PICK1: variants seen among roughly 807,000 people sequenced by gnomAD.
PICK1 encodes PRKCA-binding protein.
PICK1 carries 23 observed loss-of-function variants against 48.9 expected under a neutral mutation model. That is an observed-to-expected ratio of 0.47 (90% CI 0.34 to 0.67). The LOEUF (loss-of-function observed/expected upper bound fraction) is 0.67, where lower values mean the gene tolerates loss of function less well. PICK1 is among the 30% of genes least tolerant of loss of function. PICK1 has a pLI of 0.01. For synonymous variants in PICK1, 217 were observed against 228.2 expected (o/e 0.95, Z 0.44); for missense variants, 423 against 557.1 (o/e 0.76, Z 2.42).
intron 3 of PICK1, among the ~76,000 whole-genome samples, chr22:38,061,709 C>CG (rs1425344664): frequency 2.0e-5 from 3 of 152,032 alleles, no homozygotes; most frequent in Non-Finnish European, 4.4e-5. Context: ...TTTGTAGAGA[C>CG]GGTGTTTTGC....
At chr22:38,062,319 C>G (rs1658216052) in intron 3 of PICK1, among the ~76,000 whole-genome samples, 2 of 149,492 alleles carry the variant, frequency 1.3e-5, no homozygotes, top group Non-Finnish European at 3.0e-5. Flanking sequence ...GTGATCTTGG[C>G]TCACTGCAAC....
chr22:38,072,149 T>C, intron 8 of PICK1: 1 of 508,616 alleles, frequency 2.0e-6, no homozygotes. Context: ...CTCGGACCAG[T>C]GTTCTGCCTC....
rs200693534 is a variant in PICK1 at position 38,057,829 on chromosome 22, A to G, written c.20A>G (p.Tyr7Cys). 1.3e-4 allele frequency: 211 copies of G among 1,613,908 alleles called. 1 individual carries two copies. The highest frequency in any genetic ancestry group is 1.1e-4 in the Non-Finnish European group (126 of 1,179,868). The change falls in exon 2 of 13, where the codon TAT (tyrosine) becomes TGT (cysteine). Residue 7 changes from tyrosine to cysteine, a missense_variant. By Grantham distance (194) the Tyr-to-Cys change is radical. Coordinates refer to ENST00000356976, the MANE Select transcript of PICK1 (RefSeq NM_012407.4). MFADLD[Y>C]DIEEDKLGIP... ...GGAACCATGTTTGCAGACTTGGATT[A>G]TGACATCGAAGAGGATAAACTGTGA...
At chr22:38,068,185 C>G (rs1569200359) in intron 5 of PICK1, 1 of 457,760 alleles carries the variant, frequency 2.2e-6, no homozygotes, top group Non-Finnish European at 4.4e-6. Context: ...CCTGGCCTCT[C>G]CTGCCATCAG....
At chr22:38,071,886 G>A (rs531039960) in intron 8 of PICK1, 142 bp downstream of exon 8, 17 of 750,794 alleles carry the variant, frequency 2.3e-5, no homozygotes, top group African/African-American at 1.0e-4. Context: ...TGGGATTTGC[G>A]ATGGGCCTGC....
At chr22:38,072,361 G>A in intron 8 of PICK1, 116 bp from the exon 9 acceptor site, 2 of 1,239,848 alleles carry the variant, frequency 1.6e-6, no homozygotes, top group Non-Finnish European at 2.3e-6. Flanking sequence ...TGTAGCCCCT[G>A]TGCAGACATT....
intron 3 of PICK1, among the ~76,000 whole-genome samples, chr22:38,062,817 G>A (rs550436464): frequency 2.0e-5 from 3 of 152,330 alleles, no homozygotes; most frequent in Admixed American, 6.5e-5. Flanking sequence ...AAGAATGAAC[G>A]TCAAGGTTGA....
At chr22:38,072,685 G>T (rs115862843) in intron 9 of PICK1, 75 bp downstream of exon 9, 1 of 1,577,990 alleles carries the variant, frequency 6.3e-7, no homozygotes. Context: ...AGAGAAGGTC[G>T]TATGCTGGAG....
intron 9 of PICK1, 67 bp from the exon 10 acceptor site, chr22:38,072,933 T>C (rs2085738156): frequency 9.8e-7 from 1 of 1,020,394 alleles, no homozygotes; most frequent in African/African-American, 1.6e-5. Flanking sequence ...GACGCATCAG[T>C]GCCATTCATT....
At chr22:38,070,721 C>T (rs2085657899) in intron 6 of PICK1, 117 bp from the exon 7 acceptor site, 1 of 875,508 alleles carries the variant, frequency 1.1e-6, no homozygotes, top group Non-Finnish European at 1.9e-6. Flanking sequence ...CCTGGGACCC[C>T]TGATCTTTCC....
chr22:38,065,788 C>T (rs1188348992), intron 4 of PICK1, among the ~76,000 whole-genome samples: 1 of 152,190 alleles, frequency 6.6e-6, no homozygotes, highest in African/African-American at 2.4e-5. Context: ...AGCGAAGTGG[C>T]TGCTAGCTAG....
intron 5 of PICK1, chr22:38,067,983 T>G: frequency 4.5e-6 from 3 of 670,120 alleles, no homozygotes; most frequent in Non-Finnish European, 8.4e-6. Context: ...ACTCTGTCCC[T>G]GGTTTCTCAC....
chr22:38,070,936 G>A, intron 7 of PICK1, 45 bp downstream of exon 7: 1 of 1,534,242 alleles, frequency 6.5e-7, no homozygotes, highest in Non-Finnish European at 9.0e-7. Context: ...CTACCCCAGG[G>A]AGCATGCTCT....
Position 38,065,145 on chromosome 22 carries a change from A to G in PICK1, c.282+15A>G, listed in dbSNP as rs2085494980. On this transcript the variant is annotated intron_variant, in intron 4 of 12. Coordinates refer to ENST00000356976, the MANE Select transcript of PICK1 (RefSeq NM_012407.4). ...AGGAGGTGAAGGTAAGGGCTGCTGC[A>G]GAGCAGGTGTCCAGAGGCAGCAACA... 6.2e-7 allele frequency: 1 copy of G among 1,612,178 alleles called. No homozygotes were observed. Among genetic ancestry groups the G allele is most frequent in the Non-Finnish European group, 8.5e-7 (1 of 1,178,964 alleles).
At position 38,070,836 on chromosome 22, in the gene PICK1, A is replaced by G. The variant is rs1314298350; in HGVS notation, c.440-2A>G. ...CCTCCCCTCTTCTTTGAATCCCGAC[A>G]GATGGGCTTGTCAAGAGGCTAGAGG... On this transcript the variant is annotated splice_acceptor_variant, in intron 6 of 12. Transcript: ENST00000356976. LOFTEE classifies it high-confidence loss of function. 1 of 1,613,882 alleles carries G rather than the reference A, an allele frequency of 6.2e-7. No individual in the cohort carries two copies.
chr22:38,061,075 C>T (rs2085389159), intron 3 of PICK1, among the ~76,000 whole-genome samples: 1 of 151,968 alleles, frequency 6.6e-6, no homozygotes, highest in South Asian at 2.1e-4. Flanking sequence ...GGTGCGGTGG[C>T]TCACACCTGT....
chr22:38,065,216 G>T, intron 4 of PICK1, 86 bp downstream of exon 4: 1 of 1,417,290 alleles, frequency 7.1e-7, no homozygotes, highest in South Asian at 1.2e-5. Flanking sequence ...AGCAGGCCTG[G>T]AAGGGGGTAT....
At position 38,074,563 on chromosome 22, in the gene PICK1, AG is replaced by A; in HGVS notation, c.979+113del. 2 of 1,437,040 alleles carry A rather than the reference AG, an allele frequency of 1.4e-6. No homozygotes were observed. Among genetic ancestry groups the A allele is most frequent in the South Asian group, 2.4e-5 (2 of 82,186 alleles). 89.0% of individuals were successfully genotyped at this position (1,437,040 alleles called of 1,614,324 possible). ...GGCCCAGATGTAAAGCCCCTCCAGGAGCCCAGCCATCTGCCCAGAGCCTGGC... is the reference window on the plus strand; with the variant it reads ...GGCCCAGATGTAAAGCCCCTCCAGGACCCAGCCATCTGCCCAGAGCCTGGC... On this transcript the variant is annotated intron_variant, in intron 12 of 12. Coordinates refer to ENST00000356976, the MANE Select transcript of PICK1 (RefSeq NM_012407.4). This position sits in a 1 kb window ranked among gnomAD's most constrained non-coding sequence, Gnocchi z 4.5.
chr22:38,074,592 G>GCTCCACCCAGGCCA lies in PICK1; in HGVS notation c.979+141_979+142insCTCCACCCAGGCCA. ...CAGCCATCTGCCCAGAGCCTGGCCT[G>GCTCCACCCAGGCCA]GGTGGAGCTGGCCTGTGCGCGTGGG... On this transcript the variant is annotated intron_variant, in intron 12 of 12. Coordinates refer to ENST00000356976, the MANE Select transcript of PICK1 (RefSeq NM_012407.4). This position sits in a 1 kb window ranked among gnomAD's most constrained non-coding sequence, Gnocchi z 4.5. 8.0e-7 allele frequency: 1 copy of GCTCCACCCAGGCCA among 1,251,100 alleles called. No individual in the cohort carries two copies. Among genetic ancestry groups the GCTCCACCCAGGCCA allele is most frequent in the Non-Finnish European group, 1.1e-6 (1 of 877,006 alleles). 77.5% of individuals were successfully genotyped at this position (1,251,100 alleles called of 1,614,324 possible).
Sources: gnomAD v4.1 joint callset for allele counts (sites outside exome capture counted in the v4.1 genomes callset) on GRCh38, gnomAD v4.1.1 for gene constraint, Gnocchi (gnomAD v3.1) non-coding constraint, MANE v1.5 for transcripts, NCBI Gene and HGNC (gene_info 2026-07-23, HGNC 2026-07-21) for gene names.